EXOC7: variants seen among roughly 807,000 people sequenced by gnomAD.
EXOC7 encodes exocyst complex component Exo70.
A neutral mutation model predicts 87.6 loss-of-function variants in EXOC7; 51 were observed. That is an observed-to-expected ratio of 0.58 (90% confidence interval 0.46 to 0.73). The LOEUF is 0.73. Among genes scored for constraint, EXOC7 ranks in the 30% least tolerant of loss-of-function variants. The pLI is 0.00. For missense variants in EXOC7, 744 were observed against 888.4 expected (o/e 0.84, Z 2.07); for synonymous variants, 327 against 357.1 (o/e 0.92, Z 0.95).
chr17:76,083,711 G>T lies in EXOC7; in HGVS notation c.1992C>A (p.Tyr664Ter). ...SVPFTKNPEKYIKYGVEQVGD... is the reference protein window; with the variant it reads ...SVPFTKNPEK ...CCACCTGCTCCACCCCGTACTTGAT[G>T]TACTTCTCCGGGTTCTTGGTGAAGG... The change falls in exon 19 of 19, where the codon TAC (tyrosine) becomes TAA (stop). Residue 664 changes from tyrosine (Y) to a stop codon, truncating the protein, a stop_gained. Transcript: ENST00000589210. LOFTEE classifies it high-confidence loss of function. 6.2e-7 allele frequency: 1 copy of T among 1,613,650 alleles called. No homozygotes were observed. The highest frequency in any genetic ancestry group is 1.3e-5 in the African/African-American group (1 of 75,054).
At position 76,082,058 on chromosome 17, in the gene EXOC7, G is replaced by A. The variant is rs1275628767; in HGVS notation, c.*1590C>T. On this transcript the variant is annotated 3_prime_UTR_variant, in exon 19 of 19. Coordinates refer to ENST00000589210, the MANE Select transcript of EXOC7 (RefSeq NM_001013839.4). The stretch of plus-strand genomic sequence containing the variant: ...GCCTCATCCTGCTGAAGGTGGGCAG[G>A]GGCTGGGGGGTAAGGAATGAGGCCT... 1 of 1,596,356 alleles carries A rather than the reference G, an allele frequency of 6.3e-7. No homozygotes were observed. Among genetic ancestry groups the A allele is most frequent in the East Asian group, 2.3e-5 (1 of 43,796 alleles).
At chr17:76,083,941 A>G in intron 18 of EXOC7, 65 bp downstream of exon 18, 1 of 1,492,298 alleles carries the variant, frequency 6.7e-7, no homozygotes, top group South Asian at 1.4e-5. Flanking sequence ...CTTGAGGAAG[A>G]GGAGCTTGAA....
intron 2 of EXOC7, chr17:76,103,075 C>T: frequency 2.1e-6 from 1 of 468,128 alleles, no homozygotes; most frequent in South Asian, 2.2e-5. Flanking sequence ...CCCAACTGGT[C>T]AGACTCACTG....
chr17:76,087,686 TG>T lies in EXOC7; in HGVS notation c.1396del (p.Gln466ArgfsTer29). ...GGCCAGCATGGCGCCTGCCGTCTCCTGGAAGTCCAAAAGCTGCTGCAGGAAG... is the reference window on the plus strand; with the variant it reads ...GGCCAGCATGGCGCCTGCCGTCTCCTGAAGTCCAAAAGCTGCTGCAGGAAG... The part of the protein sequence containing the change: ...ILFLQQLLDF[Q>X]ETAGAMLASQ... On this transcript the variant is annotated frameshift_variant, in exon 12 of 19. Coordinates refer to ENST00000589210, the MANE Select transcript of EXOC7 (RefSeq NM_001013839.4). LOFTEE classifies it high-confidence loss of function. 1 of 1,551,382 alleles carries T rather than the reference TG, an allele frequency of 6.4e-7. No individual in the cohort carries two copies.
At chr17:76,103,055 C>A in intron 2 of EXOC7, 1 of 409,104 alleles carries the variant, frequency 2.4e-6, no homozygotes, top group Non-Finnish European at 4.5e-6. Flanking sequence ...GACATATGCC[C>A]AGTACCTAGC....
In EXOC7 at chr17:76,088,428, C is replaced by A. The variant is rs369143011; in HGVS notation, c.1299+36G>T. On this transcript the variant is annotated intron_variant, in intron 10 of 18. Coordinates refer to ENST00000589210, the MANE Select transcript of EXOC7 (RefSeq NM_001013839.4). Reference sequence around the variant, plus strand: ...AGGGCCAGGTCACTGTGGTGCTGGGCCGGGAGGGAGGGAGAAAGGGGAGGA... The same window carrying A: ...AGGGCCAGGTCACTGTGGTGCTGGGACGGGAGGGAGGGAGAAAGGGGAGGA... 1.2e-4 allele frequency: 198 copies of A among 1,592,840 alleles called. 1 individual carries two copies. The highest frequency in any genetic ancestry group is 1.6e-4 in the Non-Finnish European group (192 of 1,164,228).
chr17:76,090,277 C>G, intron 7 of EXOC7: 1 of 1,533,292 alleles, frequency 6.5e-7, no homozygotes, highest in Non-Finnish European at 8.8e-7. Flanking sequence ...ATCCGGGGAC[C>G]GCTGCGAAGG....
At chr17:76,089,451 T>C (rs573341384) in intron 7 of EXOC7, 131 bp from the exon 8 acceptor site, 2 of 1,218,356 alleles carry the variant, frequency 1.6e-6, no homozygotes, top group Admixed American at 2.4e-5. Context: ...CTGACTGTTC[T>C]GGCAGAAAGC....
intron 2 of EXOC7, among the ~76,000 whole-genome samples, chr17:76,102,439 C>T (rs1046761052): frequency 6.8e-6 from 1 of 147,446 alleles, no homozygotes; most frequent in Non-Finnish European, 1.5e-5. Flanking sequence ...CACACACACA[C>T]ACACACACAC....
intron 7 of EXOC7, chr17:76,090,906 A>C: frequency 1.7e-6 from 1 of 577,606 alleles, no homozygotes; most frequent in Non-Finnish European, 3.1e-6. Context: ...GAGACAGGGA[A>C]GGGAGGAGGG....
rs2067199601 is a variant in EXOC7, at chr17:76,086,096, C to T, written c.1479G>A (p.Leu493=). The T allele has an allele frequency of 1.9e-6, 3 of 1,613,746 alleles. No homozygotes were observed. The African/African-American group carries it at 4.0e-5, about 22-fold the overall frequency. ...AACACTCACAGATATAGGTGCTTAG[C>T]AGCCGCTTGCTGAACTCAGAGCTGT... The part of the protein sequence containing the change: ...TSYSSEFSKR[L]LSTYICKVLG... The change falls in exon 13 of 19, where the codon CTG becomes CTA. Residue 493 remains leucine (L), a synonymous_variant. Coordinates refer to ENST00000589210, the MANE Select transcript of EXOC7 (RefSeq NM_001013839.4).
intron 13 of EXOC7, 69 bp from the exon 14 acceptor site, chr17:76,085,866 G>A (rs1477163915): frequency 1.8e-5 from 29 of 1,574,412 alleles, no homozygotes; most frequent in Admixed American, 9.3e-5. Context: ...CCCAGGACCC[G>A]CGAACGCGCT....
chr17:76,083,638 A>G lies in EXOC7; in HGVS notation c.*10T>C. On this transcript the variant is annotated 3_prime_UTR_variant, in exon 19 of 19. Transcript: ENST00000589210. ...CAGTCTGGTGGAACCAGGCAGGGCT[A>G]GCAGCAGGCTCAGGCAGAGGTGTCG... is the stretch of plus-strand genomic sequence containing the variant. 1 of 1,613,358 alleles carries G rather than the reference A, an allele frequency of 6.2e-7. No homozygotes were observed. Among genetic ancestry groups the G allele is most frequent in the Non-Finnish European group, 8.5e-7 (1 of 1,179,526 alleles).
intron 2 of EXOC7, 124 bp from the exon 3 acceptor site, chr17:76,101,987 G>A: frequency 1.4e-6 from 1 of 723,180 alleles, no homozygotes; most frequent in Non-Finnish European, 2.2e-6. Flanking sequence ...ACAAGCGAAG[G>A]AACAGGGTGT....
In EXOC7 at chr17:76,083,763, T is replaced by C; in HGVS notation, c.1953-13A>G. 1 of 1,610,898 alleles carries C rather than the reference T, an allele frequency of 6.2e-7. No homozygotes were observed. Among genetic ancestry groups the C allele is most frequent in the South Asian group, 1.1e-5 (1 of 90,978 alleles). The stretch of plus-strand genomic sequence containing the variant: ...CACGCTGCCAAACCTGAGGAGGCAC[T>C]GTGGTCAGGGGACAGGGAGGGCCGA... On this transcript the variant is annotated splice_polypyrimidine_tract_variant and intron_variant, in intron 18 of 18. Coordinates refer to ENST00000589210, the MANE Select transcript of EXOC7 (RefSeq NM_001013839.4).
intron 4 of EXOC7, among the ~76,000 whole-genome samples, chr17:76,100,204 G>A (rs1170668466): frequency 1.3e-5 from 2 of 152,148 alleles, no homozygotes; most frequent in Non-Finnish European, 2.9e-5. Context: ...CAGAGGAAGG[G>A]AGAATGGGAA....
intron 12 of EXOC7, 59 bp from the exon 13 acceptor site, chr17:76,086,204 TC>T: frequency 1.3e-6 from 2 of 1,528,078 alleles, no homozygotes; most frequent in African/African-American, 1.4e-5. Context: ...CAACGGCCCT[TC>T]CCCCAGGCCA....
At chr17:76,096,165 G>T (rs2457692) in intron 5 of EXOC7, among the ~76,000 whole-genome samples, 1 of 151,988 alleles carries the variant, frequency 6.6e-6, no homozygotes, top group South Asian at 2.1e-4. Context: ...AGGCAAGCCC[G>T]CGCTGACAAC....
At chr17:76,101,086 G>T in intron 4 of EXOC7, 185 bp downstream of exon 4, 8 of 1,153,454 alleles carry the variant, frequency 6.9e-6, no homozygotes, top group Non-Finnish European at 8.8e-6. Context: ...TTATAATAAA[G>T]AATTTTTAAT....
Sources: gnomAD v4.1 joint callset for allele counts (sites outside exome capture counted in the v4.1 genomes callset) on GRCh38, gnomAD v4.1.1 for gene constraint, MANE v1.5 for transcripts, NCBI Gene and HGNC (gene_info 2026-07-23, HGNC 2026-07-21) for gene names.